The following AIF1L variants were observed in gnomAD, a reference collection of about 807,000 sequenced individuals.
AIF1L encodes the protein allograft inflammatory factor 1-like.
A neutral mutation model predicts 20.7 loss-of-function variants in AIF1L; 12 were observed. The observed-to-expected ratio is 0.58, with a 90% CI of 0.37 to 0.94. AIF1L has a LOEUF of 0.94. Ranked by LOEUF, AIF1L falls within the 40% of genes least tolerant of loss-of-function variation. AIF1L has a pLI of 0.01. For synonymous variants in AIF1L, 76 were observed against 65.1 expected (o/e 1.17, Z -0.81); for missense variants, 173 against 185.3 (o/e 0.93, Z 0.39).
chr9:131,121,191 C>A lies in AIF1L; in HGVS notation c.*869C>A. The A allele has an allele frequency of 1.4e-6, 1 of 697,212 alleles. No homozygotes were observed. The highest frequency in any genetic ancestry group is 2.7e-6 in the Non-Finnish European group (1 of 374,988). The allele number at this position is 697,212 out of a possible 1,614,324, so 43.2% of individuals were successfully genotyped here. On this transcript the variant is annotated 3_prime_UTR_variant, in exon 6 of 6. Transcript: ENST00000247291. ...AGTCAGCAGCACTGGTAAGCCAAGA[C>A]TGAGAAATACAAGGTTGCTTGTCTG...
At chr9:131,100,687 C>T (rs946943635) in intron 2 of AIF1L, among the ~76,000 whole-genome samples, 5 of 152,244 alleles carry the variant, frequency 3.3e-5, no homozygotes, top group South Asian at 4.1e-4. Context: ...TCCCCGAGCC[C>T]TGATGGCATG....
intron 2 of AIF1L, among the ~76,000 whole-genome samples, chr9:131,105,270 C>A (rs2133382326): frequency 6.6e-6 from 1 of 152,368 alleles, no homozygotes; most frequent in African/African-American, 2.4e-5. Flanking sequence ...AGCACAGCTG[C>A]CCTAATCCCA....
At position 131,117,907 on chromosome 9, in the gene AIF1L, T is replaced by C. The variant is rs930919807; in HGVS notation, c.354T>C (p.Ala118=). 9 of 1,610,772 alleles carry C rather than the reference T, an allele frequency of 5.6e-6. No homozygotes were observed. In the African/African-American group the frequency reaches 1.2e-4, roughly 22 times the overall value. The change falls in exon 5 of 6, where the codon GCT becomes GCC. Residue 118 remains alanine (A), a synonymous_variant. Coordinates refer to ENST00000247291, the MANE Select transcript of AIF1L (RefSeq NM_031426.4). ...FVNMMLGKRS[A]VLKLVMMFEG... ...ACATGATGCTGGGGAAACGGTCGGCTGTCCTCAAGTTGTGAGTACCTCCTT... is the reference window on the plus strand; with the variant it reads ...ACATGATGCTGGGGAAACGGTCGGCCGTCCTCAAGTTGTGAGTACCTCCTT...
chr9:131,099,443 T>C (rs1465711838), intron 2 of AIF1L, among the ~76,000 whole-genome samples: 6 of 152,242 alleles, frequency 3.9e-5, no homozygotes, highest in Non-Finnish European at 5.9e-5. Flanking sequence ...AGGTGGATTG[T>C]AGGCAGAATT....
At position 131,107,183 on chromosome 9, in the gene AIF1L, A is replaced by G. The variant is rs572339869; in HGVS notation, c.94-4414A>G. Among the ~76,000 whole-genome samples the G allele has an allele frequency of 4.6e-5, 7 of 152,272 alleles. 1 individual carries two copies. In the South Asian group the frequency reaches 1.4e-3, roughly 32 times the overall value. On this transcript the variant is annotated intron_variant, in intron 2 of 5. Transcript: ENST00000247291. The stretch of plus-strand genomic sequence containing the variant: ...GGGAGAGAACCACGCAGATCTGTGG[A>G]CTCCAGGCAGGGTGCACAGCTAGTG...
intron 2 of AIF1L, among the ~76,000 whole-genome samples, chr9:131,101,951 C>T (rs922145064): frequency 1.3e-5 from 2 of 151,972 alleles, no homozygotes; most frequent in Non-Finnish European, 2.9e-5. Context: ...GAGTCTCACT[C>T]TGTCACCCAG....
rs1170311922 is a variant in AIF1L, at chr9:131,123,106, TATC to T, written c.*2788_*2790del. On this transcript the variant is annotated 3_prime_UTR_variant, in exon 6 of 6. Transcript: ENST00000247291. ...GCATGGGAGTGTGCGTGGACTGGGA[TATC>T]ATCTCTACAGCCTGCAAATAAACCA... is the stretch of plus-strand genomic sequence containing the variant. The T allele has an allele frequency of 6.6e-6, 1 of 152,314 alleles. No homozygotes were observed. Among genetic ancestry groups the T allele is most frequent in the Non-Finnish European group, 1.5e-5 (1 of 68,054 alleles). The allele number at this position is 152,314 out of a possible 1,614,324, so 9.4% of individuals were successfully genotyped here. A position where few individuals can be genotyped will look rare whatever the true frequency, so the allele number is the denominator to read the frequency against.
chr9:131,117,672 G>T, intron 4 of AIF1L, 84 bp from the exon 5 acceptor site: 1 of 1,434,772 alleles, frequency 7.0e-7, no homozygotes, highest in Non-Finnish European at 9.4e-7. Context: ...CTAGGCGTGG[G>T]GTGCCTGAGT....
chr9:131,112,079 T>G (rs1830903055), intron 3 of AIF1L: 1 of 177,372 alleles, frequency 5.6e-6, no homozygotes, highest in South Asian at 1.3e-4. Flanking sequence ...GACGTTTGTG[T>G]CACCGCAGTG....
At chr9:131,109,904 A>G (rs1425912784) in intron 2 of AIF1L, among the ~76,000 whole-genome samples, 1 of 151,922 alleles carries the variant, frequency 6.6e-6, no homozygotes, top group Non-Finnish European at 1.5e-5. Context: ...CACCTGCAAA[A>G]TGGGTATAAT....
chr9:131,114,469 G>C, intron 3 of AIF1L, 108 bp from the exon 4 acceptor site: 5 of 1,273,070 alleles, frequency 3.9e-6, no homozygotes, highest in Non-Finnish European at 4.6e-6. Flanking sequence ...TGCGGGAGGT[G>C]GTTCAGACTC....
At chr9:131,107,692 T>G (rs2133386369) in intron 2 of AIF1L, among the ~76,000 whole-genome samples, 1 of 152,350 alleles carries the variant, frequency 6.6e-6, no homozygotes, top group African/African-American at 2.4e-5. Context: ...AAGTCTTTAC[T>G]TGGCAAAATA....
rs184658440 is a variant in AIF1L, at chr9:131,103,850, C to T, written c.93+6987C>T. On this transcript the variant is annotated intron_variant, in intron 2 of 5. Transcript: ENST00000247291. ...GAATGGCAACCCTGGCAAGTTATCC[C>T]CTATGTCCTACACACCCTGGGCTCA... Among the ~76,000 whole-genome samples the T allele has an allele frequency of 6.1e-3, 930 of 152,286 alleles. 7 individuals are homozygous for T. The highest frequency in any genetic ancestry group is 0.01 in the Non-Finnish European group (682 of 68,032).
rs758691808 is a variant in AIF1L at position 131,120,305 on chromosome 9, A to C, written c.436A>C (p.Ile146Leu). The change falls in exon 6 of 6, where the codon ATT (isoleucine) becomes CTT (leucine). Residue 146 changes from isoleucine to leucine, a missense_variant. Coordinates refer to ENST00000247291, the MANE Select transcript of AIF1L (RefSeq NM_031426.4). ...KPVGPPPERDIASLP is the reference protein window; with the variant it reads ...KPVGPPPERDLASLP The stretch of plus-strand genomic sequence containing the variant: ...AGTTGGCCCCCCTCCAGAGAGAGAC[A>C]TTGCTAGCCTGCCCTGAGGACCCCG... The C allele has an allele frequency of 6.2e-7, 1 of 1,613,156 alleles. No individual in the cohort carries two copies. Among genetic ancestry groups the C allele is most frequent in the African/African-American group, 1.3e-5 (1 of 74,770 alleles).
chr9:131,105,442 G>A (rs1457908000), intron 2 of AIF1L, among the ~76,000 whole-genome samples: 1 of 152,186 alleles, frequency 6.6e-6, no homozygotes, highest in Non-Finnish European at 1.5e-5. Context: ...TCAGCTCACT[G>A]CAACCTGCAC....
chr9:131,112,278 C>T (rs1211975199), intron 3 of AIF1L: 2 of 152,824 alleles, frequency 1.3e-5, no homozygotes, highest in Non-Finnish European at 2.9e-5. Flanking sequence ...GCAGACCCAC[C>T]TTCCCTGCCA....
chr9:131,110,080 C>T (rs1035255174), intron 2 of AIF1L, among the ~76,000 whole-genome samples: 8 of 152,088 alleles, frequency 5.3e-5, no homozygotes, highest in East Asian at 3.9e-4. Flanking sequence ...CGTGGTGTGG[C>T]GCCCATCTGT....
intron 2 of AIF1L, among the ~76,000 whole-genome samples, chr9:131,097,140 G>C (rs1830548395): frequency 6.6e-6 from 1 of 152,204 alleles, no homozygotes; most frequent in African/African-American, 2.4e-5. Context: ...GATGCCAGCC[G>C]GCTCGTGGCT....
intron 2 of AIF1L, among the ~76,000 whole-genome samples, chr9:131,104,294 G>T (rs1390785050): frequency 6.6e-6 from 1 of 152,150 alleles, no homozygotes; most frequent in Non-Finnish European, 1.5e-5. Context: ...ACTTGTCTTT[G>T]GGGACAGTGG....
Sources: gnomAD v4.1 joint callset for allele counts (sites outside exome capture counted in the v4.1 genomes callset) on GRCh38, gnomAD v4.1.1 for gene constraint, MANE v1.5 for transcripts, NCBI Gene and HGNC (gene_info 2026-07-23, HGNC 2026-07-21) for gene names.